Variants in AVEN observed in about 807,000 individuals in gnomAD.
AVEN encodes apoptosis and caspase activation inhibitor.
AVEN carries 41 observed loss-of-function variants against 38.1 expected under a neutral mutation model. The observed-to-expected ratio is 1.08, with a 90% CI of 0.84 to 1.40. The LOEUF (loss-of-function observed/expected upper bound fraction) is 1.40, where lower values mean the gene tolerates loss of function less well. Ranked by LOEUF, AVEN falls within the 40% of genes most tolerant of loss-of-function variation. The pLI is 0.00. For synonymous variants in AVEN, 206 were observed against 171.8 expected (o/e 1.20, Z -1.56); for missense variants, 605 against 438.8 (o/e 1.38, Z -3.38).
chr15:33,962,117 T>C (rs544206963), intron 2 of AVEN, among the ~76,000 whole-genome samples: 3 of 152,028 alleles, frequency 2.0e-5, no homozygotes, highest in Admixed American at 1.3e-4. Flanking sequence ...TGGTGTTACA[T>C]GTAAGTGGCA....
At chr15:33,933,538 G>C (rs376175173) in intron 2 of AVEN, among the ~76,000 whole-genome samples, 1,990 of 75,076 alleles carry the variant, frequency 0.027, 15 homozygotes, top group African/African-American at 0.056. Context: ...GAGAGAGAGA[G>C]AGAGAGAGAG....
chr15:33,858,032 G>C (rs2153009017), downstream of AVEN: 1 of 1,276,402 alleles, frequency 7.8e-7, no homozygotes, highest in Middle Eastern at 2.7e-4. Context: ...GTTAGTTACA[G>C]AGCACAGCAG....
chr15:33,899,225 T>A (rs1042358651), intron 2 of AVEN, among the ~76,000 whole-genome samples: 2 of 151,966 alleles, frequency 1.3e-5, no homozygotes, highest in African/African-American at 4.8e-5. Flanking sequence ...ACAGGACACT[T>A]TCAAGTGCAG....
At position 34,003,171 on chromosome 15, in the gene AVEN, C is replaced by T. The variant is rs1897205143; in HGVS notation, c.306G>A (p.Glu102=). 1 of 1,613,740 alleles carries T rather than the reference C, an allele frequency of 6.2e-7. No homozygotes were observed. Residue 102 remains glutamate, a synonymous_variant, in exon 2 of 6, where the codon GAG becomes GAA. Coordinates refer to ENST00000306730, the MANE Select transcript of AVEN (RefSeq NM_020371.3). ...TAGAATAATTTCCCTGTTCATCATT[C>T]TCTTCTCCATAGGTCTCTGCATCGC... The part of the protein sequence containing the change: ...DDSDAETYGE[E]NDEQGNYSKR...
At chr15:33,970,999 T>C (rs80355386) in intron 2 of AVEN, among the ~76,000 whole-genome samples, 3,387 of 152,134 alleles carry the variant, frequency 0.022, 46 homozygotes, top group Non-Finnish European at 0.034. Flanking sequence ...AAGTGATTAC[T>C]GAAGTTTTGG....
At chr15:33,906,849 A>G (rs947747216) in intron 2 of AVEN, among the ~76,000 whole-genome samples, 3 of 152,186 alleles carry the variant, frequency 2.0e-5, no homozygotes, top group Non-Finnish European at 4.4e-5. Flanking sequence ...TACACCTAAT[A>G]CCACTCAACT....
rs767988440 is a variant in AVEN, at chr15:33,871,009, T to C, written c.538A>G (p.Ser180Gly). ...TGAAGGGCTCGAACCAATAACTCAC[T>C]ATCCACATAAAATGCTGAATTCTAT... ...PKQNSAFYVD[S>G]ELLVRALQEL... The change falls in exon 4 of 6, where the codon AGT (serine) becomes GGT (glycine). Residue 180 changes from serine (S) to glycine (G), a missense_variant. By Grantham distance (56) the Ser-to-Gly change is moderately conservative (BLOSUM62 0). Coordinates refer to ENST00000306730, the MANE Select transcript of AVEN (RefSeq NM_020371.3). The C allele has an allele frequency of 4.4e-6, 7 of 1,601,952 alleles. No homozygotes were observed. The highest frequency in any genetic ancestry group is 6.0e-6 in the Non-Finnish European group (7 of 1,173,076).
chr15:33,881,637 T>G (rs953594849), intron 2 of AVEN, among the ~76,000 whole-genome samples: 1 of 152,212 alleles, frequency 6.6e-6, no homozygotes, highest in Non-Finnish European at 1.5e-5. Flanking sequence ...CTAGAAAACA[T>G]ATTACCAAAA....
At chr15:33,858,378 AT>A (rs910813689), downstream of AVEN, among the ~76,000 whole-genome samples, 1 of 151,336 alleles carries the variant, frequency 6.6e-6, no homozygotes, top group Non-Finnish European at 1.5e-5. Context: ...CTAATTTTGT[AT>A]TTTTTTTAGT....
In AVEN at chr15:34,025,762, G is replaced by GTGTGTGTGTT. The variant is rs1184092795; in HGVS notation, c.267+13008_267+13017dup. ...TTTGTTTTGGTTTGGTTTTGCGTGT[G>GTGTGTGTGTT]TGTGTGTGTTTGTGTGTGTGTGCGC... On this transcript the variant is annotated intron_variant, in intron 1 of 5. Transcript: ENST00000306730. Among the ~76,000 whole-genome samples, 158 of 152,206 alleles carry GTGTGTGTGTT rather than the reference G, an allele frequency of 1.0e-3. 1 individual carries two copies. Among genetic ancestry groups the GTGTGTGTGTT allele is most frequent in the Middle Eastern group, 6.8e-3 (2 of 294 alleles).
chr15:33,930,485 A>C (rs1304953674), intron 2 of AVEN, among the ~76,000 whole-genome samples: 1 of 152,234 alleles, frequency 6.6e-6, no homozygotes, highest in African/African-American at 2.4e-5. Flanking sequence ...ATACTCATAA[A>C]TTGTAATCCA....
intron 1 of AVEN, among the ~76,000 whole-genome samples, chr15:34,014,755 G>C (rs375267415): frequency 6.6e-6 from 1 of 152,178 alleles, no homozygotes; most frequent in Admixed American, 6.5e-5. Flanking sequence ...CCAACAGCTG[G>C]TGAGTTCAAG....
At chr15:34,059,964 A>G (rs1399039858) in intron 5 of AVEN, among the ~76,000 whole-genome samples, 3 of 151,976 alleles carry the variant, frequency 2.0e-5, no homozygotes, top group Admixed American at 2.0e-4. Flanking sequence ...AAACATTCAA[A>G]TATTTAAGAG....
chr15:34,008,652 C>T (rs1567463697), intron 1 of AVEN, among the ~76,000 whole-genome samples: 1 of 135,238 alleles, frequency 7.4e-6, no homozygotes, highest in Non-Finnish European at 1.5e-5. Flanking sequence ...CCATGGCAGG[C>T]TAATTTTTTG....
chr15:34,040,128 T>C (rs1899404973), upstream of AVEN, among the ~76,000 whole-genome samples: 1 of 152,082 alleles, frequency 6.6e-6, no homozygotes, highest in South Asian at 2.1e-4. Flanking sequence ...TTGCCTACTC[T>C]GCATCAGGCA....
chr15:33,854,664 C>T (rs1439087867), downstream of AVEN: 4 of 1,441,962 alleles, frequency 2.8e-6, no homozygotes, highest in African/African-American at 4.3e-5. Flanking sequence ...GCACCTAAAC[C>T]CCCTCTATCC....
chr15:33,992,307 G>A (rs1453755127), intron 2 of AVEN, among the ~76,000 whole-genome samples: 1 of 152,016 alleles, frequency 6.6e-6, no homozygotes. Context: ...GGAGAATGGC[G>A]TCAGCCCGGG....
At chr15:34,071,826 A>G (rs1196996828) in intron 1 of AVEN, among the ~76,000 whole-genome samples, 1 of 152,250 alleles carries the variant, frequency 6.6e-6, no homozygotes, top group Non-Finnish European at 1.5e-5. Context: ...CCATGAATAA[A>G]AAATCCTTTG....
chr15:33,959,897 G>A lies in AVEN; in HGVS notation c.445+43135C>T, dbSNP rs533758464. ...GAGACACATATGCAAAAAAATGAAAGGCATGTCATGGTGAGATTTAACCAA... is the reference window on the plus strand; with the variant it reads ...GAGACACATATGCAAAAAAATGAAAAGCATGTCATGGTGAGATTTAACCAA... On this transcript the variant is annotated intron_variant, in intron 2 of 5. Coordinates refer to ENST00000306730, the MANE Select transcript of AVEN (RefSeq NM_020371.3). Among the ~76,000 whole-genome samples the A allele has an allele frequency of 2.6e-5, 4 of 152,208 alleles. No homozygotes were observed. In the South Asian group the frequency reaches 8.3e-4, roughly 32 times the overall value.
Sources: allele counts gnomAD v4.1 joint callset (sites outside exome capture counted in the v4.1 genomes callset), GRCh38; gene constraint gnomAD v4.1.1; transcripts MANE v1.5; gene names NCBI Gene and HGNC (gene_info 2026-07-23, HGNC 2026-07-21).